CLASP1: variants seen among roughly 807,000 people sequenced by gnomAD.
CLASP1 encodes CLIP-associating protein 1.
In CLASP1, 38 loss-of-function variants were observed where a neutral mutation model predicts 192.3. The ratio of observed to expected loss-of-function variants is 0.20; its 90% CI spans 0.15 to 0.26. The LOEUF is 0.26. Ranked by LOEUF, CLASP1 falls within the 10% of genes least tolerant of loss-of-function variation. CLASP1 has a pLI of 1.00. For synonymous variants in CLASP1, 691 were observed against 712.8 expected (o/e 0.97, Z 0.49); for missense variants, 1,433 against 1,932.5 (o/e 0.74, Z 4.85).
At chr2:121,383,972 A>T (rs1021196921) in intron 32 of CLASP1, among the ~76,000 whole-genome samples, 1 of 150,678 alleles carries the variant, frequency 6.6e-6, no homozygotes, top group East Asian at 1.9e-4. Flanking sequence ...TAAAAAAAAA[A>T]TGACTTCCTC....
At chr2:121,527,824 G>A (rs1441173599) in exon 5 of CLASP1, 1 of 1,613,734 alleles carries the variant, frequency 6.2e-7, no homozygotes, top group African/African-American at 1.3e-5. Flanking sequence ...ATAAGGCAGA[G>A]ACAGATGCCT....
intron 2 of CLASP1, among the ~76,000 whole-genome samples, chr2:121,549,686 G>A (rs2057823019): frequency 8.2e-6 from 1 of 122,370 alleles, no homozygotes; most frequent in Non-Finnish European, 1.6e-5. Context: ...CCACATAATT[G>A]GACATAAAAC....
rs544620267 is a variant in CLASP1 at position 121,443,738 on chromosome 2, A to T, written c.1912+3599T>A. ...CCTTCCAAACTTAATCAGCATCTTC[A>T]GGGTGAAGGACCTAAGAGTATTTTT... On this transcript the variant is annotated intron_variant, in intron 19 of 39. Transcript: ENST00000263710. Among the ~76,000 whole-genome samples the T allele has an allele frequency of 2.0e-5, 3 of 152,342 alleles. No homozygotes were observed. The East Asian group carries it at 5.8e-4, about 29-fold the overall frequency.
rs1046087789 is a variant in CLASP1 at position 121,500,890 on chromosome 2, T to C, written c.712+2277A>G. Among the ~76,000 whole-genome samples the C allele has an allele frequency of 7.9e-5, 12 of 152,316 alleles. No individual in the cohort carries two copies. The South Asian group carries it at 1.0e-3, about 13-fold the overall frequency. On this transcript the variant is annotated intron_variant, in intron 8 of 39. Transcript: ENST00000263710. ...TAGATGTTTAAAAGAACTGTTTCCA[T>C]CCTCAACCCTAAACCTATGTGTGTG...
At chr2:121,459,295 TG>T (rs2087371690) in intron 12 of CLASP1, among the ~76,000 whole-genome samples, 1 of 152,158 alleles carries the variant, frequency 6.6e-6, no homozygotes, top group African/African-American at 2.4e-5. Flanking sequence ...TCCAAGTAGC[TG>T]GGACTCCAGG....
rs952689551 is a variant in CLASP1, at chr2:121,625,556, T to A, written c.-285-19376A>T. Among the ~76,000 whole-genome samples, 3 of 147,404 alleles carry A rather than the reference T, an allele frequency of 2.0e-5. No homozygotes were observed. In the Admixed American group the frequency reaches 2.1e-4, roughly 10 times the overall value. On this transcript the variant is annotated intron_variant, in intron 1 of 39. Coordinates refer to ENST00000263710, the Ensembl canonical transcript of CLASP1. ...TTCAAGCGATTCTCCTGCCTCAGCC[T>A]CCCAAGTAGCTGGGATTACAGGCAC...
At chr2:121,565,827 C>T (rs1014395381) in intron 2 of CLASP1, among the ~76,000 whole-genome samples, 1 of 152,208 alleles carries the variant, frequency 6.6e-6, no homozygotes. Flanking sequence ...AAGAGCAGAA[C>T]GGCCCTAAAA....
chr2:121,366,993 T>G (rs564055813), intron 35 of CLASP1, among the ~76,000 whole-genome samples: 32 of 152,342 alleles, frequency 2.1e-4, no homozygotes, highest in Admixed American at 1.8e-3. Flanking sequence ...GGGCAAATCT[T>G]TCTGACCCCA....
intron 8 of CLASP1, among the ~76,000 whole-genome samples, chr2:121,478,783 CCCA>C (rs2092104048): frequency 3.0e-5 from 1 of 33,560 alleles, no homozygotes; most frequent in Non-Finnish European, 6.5e-5. Flanking sequence ...ACACACACAC[CCCA>C]CACACACCAC....
chr2:121,361,168 T>C (rs1345080905), intron 37 of CLASP1, among the ~76,000 whole-genome samples: 2 of 152,138 alleles, frequency 1.3e-5, no homozygotes, highest in East Asian at 3.9e-4. Flanking sequence ...ACAACTGATA[T>C]CATCTCTATG....
At chr2:121,638,353 GA>G in intron 1 of CLASP1, among the ~76,000 whole-genome samples, 1 of 152,022 alleles carries the variant, frequency 6.6e-6, no homozygotes, top group African/African-American at 2.4e-5. Flanking sequence ...GGAGAAACTG[GA>G]ACCCTTGTAC....
chr2:121,400,018 C>T (rs942514096), intron 28 of CLASP1, among the ~76,000 whole-genome samples: 3 of 152,172 alleles, frequency 2.0e-5, no homozygotes, highest in Non-Finnish European at 4.4e-5. Flanking sequence ...CAACAGCCAT[C>T]CTATCTACTC....
intron 10 of CLASP1, 70 bp downstream of exon 10, chr2:121,462,462 G>T: frequency 1.2e-6 from 1 of 866,984 alleles, no homozygotes; most frequent in Non-Finnish European, 1.9e-6. Flanking sequence ...TACATAGGCA[G>T]AATTGAAAAA....
intron 2 of CLASP1, among the ~76,000 whole-genome samples, chr2:121,540,369 CG>C (rs1260699321): frequency 3.3e-5 from 5 of 152,184 alleles, no homozygotes; most frequent in African/African-American, 9.7e-5. Flanking sequence ...AAAGTGGGCA[CG>C]GTGGTGTCTA....
At chr2:121,587,883 T>C (rs1273093221) in intron 2 of CLASP1, among the ~76,000 whole-genome samples, 1 of 147,588 alleles carries the variant, frequency 6.8e-6, no homozygotes, top group African/African-American at 2.5e-5. Flanking sequence ...ACCTAAGAGC[T>C]CAACATCGGC....
intron 23 of CLASP1, among the ~76,000 whole-genome samples, chr2:121,414,733 T>C (rs1426956121): frequency 6.6e-6 from 1 of 152,230 alleles, no homozygotes; most frequent in South Asian, 2.1e-4. Flanking sequence ...TAGAATTCCA[T>C]TTTCCCCAGT....
chr2:121,382,329 A>G lies in CLASP1; in HGVS notation c.3375-5T>C. 1 of 1,520,734 alleles carries G rather than the reference A, an allele frequency of 6.6e-7. No homozygotes were observed. The highest frequency in any genetic ancestry group is 1.3e-5 in the South Asian group (1 of 78,700). The allele number at this position is 1,520,734 out of a possible 1,614,324, so 94.2% of individuals were successfully genotyped here. On this transcript the variant is annotated splice_polypyrimidine_tract_variant and splice_region_variant and intron_variant, in intron 32 of 39. Transcript: ENST00000263710. ...GCACTCCAACCCCATAACCGACTGC[A>G]GTGATCAGAAGAGGAAAATCAGAGA...
At chr2:121,477,865 T>C (rs2091833833) in intron 8 of CLASP1, among the ~76,000 whole-genome samples, 1 of 152,210 alleles carries the variant, frequency 6.6e-6, no homozygotes, top group Non-Finnish European at 1.5e-5. Flanking sequence ...CATAGTCACA[T>C]TAAATCCTCC....
At chr2:121,457,544 C>G in intron 14 of CLASP1, 143 bp downstream of exon 14, 1 of 638,248 alleles carries the variant, frequency 1.6e-6, no homozygotes, top group Admixed American at 2.9e-5. Context: ...GATCTTGATT[C>G]TTCAACTCAA....
Sources: gnomAD v4.1 joint callset for allele counts (sites outside exome capture counted in the v4.1 genomes callset) on GRCh38, gnomAD v4.1.1 for gene constraint, MANE v1.5 for transcripts, NCBI Gene and HGNC (gene_info 2026-07-23, HGNC 2026-07-21) for gene names.